Variants in IRS2 observed in about 807,000 individuals in gnomAD.
The protein encoded by IRS2 is insulin receptor substrate 2.
A neutral mutation model predicts 70.9 loss-of-function variants in IRS2; 28 were observed. The observed-to-expected ratio is 0.39, with a 90% confidence interval of 0.29 to 0.54. The LOEUF (loss-of-function observed/expected upper bound fraction) is 0.54. IRS2 is among the 20% of genes least tolerant of loss of function. The pLI is 0.59. For synonymous variants in IRS2, 1,217 were observed against 981.9 expected (o/e 1.24, Z -4.48); for missense variants, 2,081 against 2,024.1 (o/e 1.03, Z -0.54).
At chr13:109,767,012 C>T (rs1877349948) in intron 1 of IRS2, among the ~76,000 whole-genome samples, 1 of 152,234 alleles carries the variant, frequency 6.6e-6, no homozygotes, top group Non-Finnish European at 1.5e-5. Flanking sequence ...TTTTCCAATG[C>T]TCATGGGCTG....
Position 109,783,165 on chromosome 13 carries a change from C to T in IRS2, c.2889G>A (p.Pro963=), listed in dbSNP as rs756030352. 6 of 1,380,402 alleles carry T rather than the reference C, an allele frequency of 4.3e-6. No homozygotes were observed. The highest frequency in any genetic ancestry group is 3.3e-5 in the South Asian group (2 of 60,620). 85.5% of individuals were successfully genotyped at this position (1,380,402 alleles called of 1,614,324 possible). ...SPASSLGSGT[P]GTSSDSRQRS... Reference sequence around the variant, plus strand: ...GCTGCCGGCTGTCGCTGCTGGTGCCCGGGGTGCCTGAGCCCAGCGACGAGG... The same window carrying T: ...GCTGCCGGCTGTCGCTGCTGGTGCCTGGGGTGCCTGAGCCCAGCGACGAGG... The change falls in exon 1 of 2, where the codon CCG becomes CCA. Residue 963 remains proline, a synonymous_variant. Transcript: ENST00000375856.
rs1455131897 is a variant in IRS2 at position 109,784,405 on chromosome 13, C to G, written c.1649G>C (p.Ser550Thr). The G allele has an allele frequency of 2.5e-6, 4 of 1,610,386 alleles. No individual in the cohort carries two copies. Among genetic ancestry groups the G allele is most frequent in the Non-Finnish European group, 3.4e-6 (4 of 1,179,222 alleles). The change falls in exon 1 of 2, where the codon AGC becomes ACC. Residue 550 changes from serine (S) to threonine (T), a missense_variant. Transcript: ENST00000375856. The surrounding 1 kb of genome is among the most constrained non-coding windows in gnomAD (Gnocchi z 5.2). Reference protein sequence around the residue: ...YGYMTMDRPLSHCGRSYRRVS... With the variant: ...YGYMTMDRPLTHCGRSYRRVS... ...CCGGCGGTAGGAGCGGCCACAGTGG[C>G]TCAGGGGCCTGTCCATGGTCATGTA...
chr13:109,752,816 G>C lies in IRS2; in HGVS notation c.*3488C>G, dbSNP rs1037831148. On this transcript the variant is annotated 3_prime_UTR_variant, in exon 2 of 2. Transcript: ENST00000375856. ...CAAGCAAGGAGGTAAAACTCTCCTG[G>C]ATAAAAATTCACAGCATCAATTTTC... 1.3e-5 allele frequency: 2 copies of C among 152,194 alleles called. No homozygotes were observed. The highest frequency in any genetic ancestry group is 4.8e-5 in the African/African-American group (2 of 41,444). 9.4% of individuals were successfully genotyped at this position (152,194 alleles called of 1,614,324 possible). A position where few individuals can be genotyped will look rare whatever the true frequency, so the allele number is the denominator to read the frequency against.
In IRS2 at chr13:109,753,996, A is replaced by G. The variant is rs1455208151; in HGVS notation, c.*2308T>C. The G allele has an allele frequency of 6.0e-5, 14 of 232,096 alleles. No homozygotes were observed. In the Admixed American group the frequency reaches 7.9e-4, roughly 13 times the overall value. 14.4% of individuals were successfully genotyped at this position (232,096 alleles called of 1,614,324 possible). A position where few individuals can be genotyped will look rare whatever the true frequency, so the allele number is the denominator to read the frequency against. ...CTATATACAGCGTGTACAGTGGAAG[A>G]CAGAGCAAGATAAGTTAAGTCTCTT... On this transcript the variant is annotated 3_prime_UTR_variant, in exon 2 of 2. Transcript: ENST00000375856.
intron 1 of IRS2, among the ~76,000 whole-genome samples, chr13:109,764,868 T>C (rs1177631699): frequency 1.4e-4 from 22 of 152,208 alleles, no homozygotes; most frequent in Admixed American, 1.4e-3. Flanking sequence ...ACAAACTTGT[T>C]TTAATTGGAC....
At position 109,782,526 on chromosome 13, in the gene IRS2, G is replaced by C; in HGVS notation, c.3528C>G (p.Ser1176=). 1 of 1,556,354 alleles carries C rather than the reference G, an allele frequency of 6.4e-7. No homozygotes were observed. The highest frequency in any genetic ancestry group is 8.7e-7 in the Non-Finnish European group (1 of 1,150,356). The change falls in exon 1 of 2, where the codon TCC becomes TCG. Residue 1176 remains serine, a synonymous_variant. Coordinates refer to ENST00000375856, the MANE Select transcript of IRS2 (RefSeq NM_003749.3). ...TTTTCCTGAGAGAGACATTTTCCAC[G>C]GAGGCCGAGTTGTGGCGCTTGGGGT... The part of the protein sequence containing the change: ...AHNPKRHNSA[S]VENVSLRKSS...
rs776744017 is a variant in IRS2 at position 109,785,711 on chromosome 13, G to A, written c.343C>T (p.Leu115Phe). 7 of 1,600,516 alleles carry A rather than the reference G, an allele frequency of 4.4e-6. No individual in the cohort carries two copies. Among genetic ancestry groups the A allele is most frequent in the Non-Finnish European group, 5.9e-6 (7 of 1,177,908 alleles). Reference sequence around the variant, plus strand: ...GCGAAGTACTCGTCCTTGGTGTAGAGGGCGATCAGGTACTTGTGCTTGGCG... The same window carrying A: ...GCGAAGTACTCGTCCTTGGTGTAGAAGGCGATCAGGTACTTGTGCTTGGCG... Reference protein sequence around the residue: ...ADAKHKYLIALYTKDEYFAVA... With the variant: ...ADAKHKYLIAFYTKDEYFAVA... Residue 115 changes from leucine to phenylalanine, a missense_variant, in exon 1 of 2, where the codon CTC becomes TTC. This residue lies in a region of IRS2 where 320 missense variants were observed against 352.9 expected (regional missense o/e 0.91). Coordinates refer to ENST00000375856, the MANE Select transcript of IRS2 (RefSeq NM_003749.3). This position sits in a 1 kb window ranked among gnomAD's most constrained non-coding sequence, Gnocchi z 9.3.
At position 109,782,676 on chromosome 13, in the gene IRS2, G is replaced by A; in HGVS notation, c.3378C>T (p.Pro1126=). The A allele has an allele frequency of 6.3e-7, 1 of 1,575,494 alleles. No homozygotes were observed. The highest frequency in any genetic ancestry group is 8.6e-7 in the Non-Finnish European group (1 of 1,162,348). Residue 1126 remains proline (P), a synonymous_variant, in exon 1 of 2, where the codon CCC becomes CCT. Transcript: ENST00000375856. ...CCTTGGCGCCGCGGTGGGGGTCCGGGGGCTGGCTGGCCTGCAGGAAGGCCT... is the reference window on the plus strand; with the variant it reads ...CCTTGGCGCCGCGGTGGGGGTCCGGAGGCTGGCTGGCCTGCAGGAAGGCCT... ...GVEAFLQASQ[P]PDPHRGAKVI...
At position 109,753,816 on chromosome 13, in the gene IRS2, G is replaced by GA. The variant is rs796783987; in HGVS notation, c.*2487dup. The GA allele has an allele frequency of 3.8e-4, 80 of 212,622 alleles. No individual in the cohort carries two copies. The East Asian group carries it at 5.4e-3, about 14-fold the overall frequency. 13.2% of individuals were successfully genotyped at this position (212,622 alleles called of 1,614,324 possible). A position where few individuals can be genotyped will look rare whatever the true frequency, so the allele number is the denominator to read the frequency against. ...TTATGTTAAACAGAGAATTCGTACA[G>GA]AAAAAATCTTCAGGACTGTATTCAT... On this transcript the variant is annotated 3_prime_UTR_variant, in exon 2 of 2. Coordinates refer to ENST00000375856, the MANE Select transcript of IRS2 (RefSeq NM_003749.3).
rs1566414317 is a variant in IRS2, at chr13:109,784,923, G to T, written c.1131C>A (p.Ala377=). ...CCACCGACACCGGCCTGGCGCCCGC[G>T]GCCGCCGCTCCCGCCGCCGCGCCGC... ...GDGGAAAGAA[A]AGARPVSVAG... The change falls in exon 1 of 2, where the codon GCC becomes GCA. Residue 377 remains alanine (A), a synonymous_variant. Coordinates refer to ENST00000375856, the MANE Select transcript of IRS2 (RefSeq NM_003749.3). This position sits in a 1 kb window ranked among gnomAD's most constrained non-coding sequence, Gnocchi z 5.2. 4 of 1,052,692 alleles carry T rather than the reference G, an allele frequency of 3.8e-6. No individual in the cohort carries two copies. The allele number at this position is 1,052,692 out of a possible 1,614,324, so 65.2% of individuals were successfully genotyped here.
intron 1 of IRS2, among the ~76,000 whole-genome samples, chr13:109,777,863 C>G (rs1877614397): frequency 6.6e-6 from 1 of 152,208 alleles, no homozygotes; most frequent in Admixed American, 6.5e-5. Context: ...TTGTTACAAT[C>G]TGTTCATAAA....
intron 1 of IRS2, among the ~76,000 whole-genome samples, chr13:109,756,918 T>C (rs1018524510): frequency 2.2e-4 from 34 of 152,238 alleles, no homozygotes; most frequent in African/African-American, 7.7e-4. Context: ...GGAAGGTTCC[T>C]GCACGGCCTC....
rs767707896 is a variant in IRS2 at position 109,782,477 on chromosome 13, C to G, written c.3577G>C (p.Gly1193Arg). 1 of 1,558,914 alleles carries G rather than the reference C, an allele frequency of 6.4e-7. No homozygotes were observed. The highest frequency in any genetic ancestry group is 8.7e-7 in the Non-Finnish European group (1 of 1,152,292). The part of the protein sequence containing the change: ...RKSSEGGVGV[G>R]PGGGDEPPTS... ...GGCGGCTCGTCGCCCCCTCCAGGGC[C>G]GACACCCACGCCGCCCTCGCTGCTT... Residue 1193 changes from glycine (G) to arginine (R), a missense_variant, in exon 1 of 2, where the codon GGC becomes CGC. Around this residue, in one of 4 missense-constraint regions of IRS2, gnomAD observed 1,615 missense variants for 1,459.5 expected, o/e 1.11. Coordinates refer to ENST00000375856, the MANE Select transcript of IRS2 (RefSeq NM_003749.3).
In IRS2 at chr13:109,779,394, T is replaced by G. The variant is rs570867509; in HGVS notation, c.4012+2648A>C. On this transcript the variant is annotated intron_variant, in intron 1 of 1. Transcript: ENST00000375856. The stretch of plus-strand genomic sequence containing the variant: ...CATCTTCAAAGAAATGCTTTGCAAG[T>G]CGGCCTTCTACAAATCATTTCCTCA... Among the ~76,000 whole-genome samples the G allele has an allele frequency of 7.2e-5, 11 of 152,386 alleles. No individual in the cohort carries two copies. The South Asian group carries it at 2.3e-3, about 32-fold the overall frequency.
At chr13:109,776,365 A>G (rs1486606661) in intron 1 of IRS2, among the ~76,000 whole-genome samples, 1 of 152,222 alleles carries the variant, frequency 6.6e-6, no homozygotes, top group African/African-American at 2.4e-5. Context: ...ACCTTTACCC[A>G]TTCAAGTTTT....
chr13:109,783,546 C>A lies in IRS2; in HGVS notation c.2508G>T (p.Glu836Asp). 1.3e-6 allele frequency: 2 copies of A among 1,549,884 alleles called. No individual in the cohort carries two copies. Residue 836 changes from glutamate (E) to aspartate (D), a missense_variant, in exon 1 of 2, where the codon GAG becomes GAT. By Grantham distance (45) the Glu-to-Asp change is conservative. Around this residue, in one of 4 missense-constraint regions of IRS2, gnomAD observed 1,615 missense variants for 1,459.5 expected, o/e 1.11. Coordinates refer to ENST00000375856, the MANE Select transcript of IRS2 (RefSeq NM_003749.3). ...MSSPVGRILEEERLEPQATPG... is the reference protein window; with the variant it reads ...MSSPVGRILEDERLEPQATPG... ...GCGTGGCCTGAGGCTCCAGACGCTCCTCCTCCAGGATGCGCCCCACGGGGG... is the reference window on the plus strand; with the variant it reads ...GCGTGGCCTGAGGCTCCAGACGCTCATCCTCCAGGATGCGCCCCACGGGGG...
In IRS2 at chr13:109,785,017, C is replaced by T. The variant is rs1267715440; in HGVS notation, c.1037G>A (p.Ser346Asn). The T allele has an allele frequency of 3.4e-6, 5 of 1,458,814 alleles. No homozygotes were observed. Among genetic ancestry groups the T allele is most frequent in the East Asian group, 2.6e-5 (1 of 37,910 alleles). The allele number at this position is 1,458,814 out of a possible 1,614,324, so 90.4% of individuals were successfully genotyped here. A position where few individuals can be genotyped will look rare whatever the true frequency, so the allele number is the denominator to read the frequency against. ...GGCCGCCGGCGGGGTGGCGGCCAGG[C>T]TGTCGGTGCGCGAGCGGCGCACCAG... ...TGLVRRSRTD[S>N]LAATPPAAKC... is the part of the protein sequence containing the mutation. Residue 346 changes from serine (S) to asparagine (N), a missense_variant, in exon 1 of 2, where the codon AGC (serine) becomes AAC (asparagine). This residue lies in a region of IRS2 where 111 missense variants were observed against 133.1 expected (regional missense o/e 0.83). Coordinates refer to ENST00000375856, the MANE Select transcript of IRS2 (RefSeq NM_003749.3). This position sits in a 1 kb window ranked among gnomAD's most constrained non-coding sequence, Gnocchi z 9.3.
In IRS2 at chr13:109,760,670, C is replaced by T. The variant is rs146078123; in HGVS notation, c.4013-4362G>A. On this transcript the variant is annotated intron_variant, in intron 1 of 1. Transcript: ENST00000375856. ...CCTGCAGATGGGCAATAATTCCTCC[C>T]CTTTTCTCCTCCACTTACAAGAGCA... Among the ~76,000 whole-genome samples, 864 of 152,302 alleles carry T rather than the reference C, an allele frequency of 5.7e-3. 12 individuals are homozygous for T. The highest frequency in any genetic ancestry group is 0.019 in the African/African-American group (806 of 41,560).
chr13:109,784,034 C>G lies in IRS2; in HGVS notation c.2020G>C (p.Asp674His), dbSNP rs960832736. The change falls in exon 1 of 2, where the codon GAC becomes CAC. Residue 674 changes from aspartate (D) to histidine (H), a missense_variant. This residue lies in a region of IRS2 where 1,615 missense variants were observed against 1,459.5 expected (regional missense o/e 1.11). Coordinates refer to ENST00000375856, the MANE Select transcript of IRS2 (RefSeq NM_003749.3). The surrounding 1 kb of genome is among the most constrained non-coding windows in gnomAD (Gnocchi z 5.2). ...CTGGCGGGGCTCATGGGCATGTAGT[C>G]GTCGCTCCTGCAGCTGCCGCTCCCA... Reference protein sequence around the residue: ...GSGSGSCRSDDYMPMSPASVS... With the variant: ...GSGSGSCRSDHYMPMSPASVS... 1 of 1,541,000 alleles carries G rather than the reference C, an allele frequency of 6.5e-7. No homozygotes were observed. Among genetic ancestry groups the G allele is most frequent in the Non-Finnish European group, 8.7e-7 (1 of 1,148,586 alleles).
Sources: allele counts gnomAD v4.1 joint callset (sites outside exome capture counted in the v4.1 genomes callset), GRCh38; gene constraint gnomAD v4.1.1; regional missense constraint gnomAD v4.1.1; non-coding constraint Gnocchi (gnomAD v3.1); transcripts MANE v1.5; gene names NCBI Gene and HGNC (gene_info 2026-07-23, HGNC 2026-07-21).